The following CNTNAP2 variants were observed in gnomAD, a reference collection of about 807,000 sequenced individuals.
CNTNAP2 encodes the protein contactin-associated protein-like 2.
Under a neutral mutation model 155.2 loss-of-function variants are expected in CNTNAP2, and 98 were observed. The ratio of observed to expected loss-of-function variants is 0.63; its 90% confidence interval spans 0.54 to 0.75. The LOEUF is 0.75. CNTNAP2 is among the 30% of genes least tolerant of loss of function. CNTNAP2 has a pLI of 0.00. For synonymous variants in CNTNAP2, 651 were observed against 631.2 expected (o/e 1.03, Z -0.47); for missense variants, 1,727 against 1,688.1 (o/e 1.02, Z -0.40).
intron 1 of CNTNAP2, among the ~76,000 whole-genome samples, chr7:146,228,199 C>T (rs1799326968): frequency 6.6e-6 from 1 of 152,152 alleles, no homozygotes; most frequent in Non-Finnish European, 1.5e-5. Context: ...GTGTGTGACA[C>T]TGAGGAGAAA....
At chr7:146,507,352 C>G (rs1430124863) in intron 1 of CNTNAP2, among the ~76,000 whole-genome samples, 3 of 152,228 alleles carry the variant, frequency 2.0e-5, no homozygotes, top group African/African-American at 7.2e-5. Context: ...GTCACATGCA[C>G]ATCAAGTTCA....
At chr7:147,486,543 G>T (rs1007244976) in intron 11 of CNTNAP2, among the ~76,000 whole-genome samples, 6 of 152,026 alleles carry the variant, frequency 3.9e-5, no homozygotes, top group Non-Finnish European at 8.8e-5. Flanking sequence ...ATATCTAAAA[G>T]CCAATAGATA....
chr7:146,554,391 A>G (rs1798166425), intron 1 of CNTNAP2, among the ~76,000 whole-genome samples: 1 of 152,232 alleles, frequency 6.6e-6, no homozygotes, highest in Non-Finnish European at 1.5e-5. Flanking sequence ...CATAATAATT[A>G]AAACCCATAT....
At chr7:147,225,781 AGG>A (rs1434859613) in intron 8 of CNTNAP2, among the ~76,000 whole-genome samples, 64 of 132,648 alleles carry the variant, frequency 4.8e-4, no homozygotes, top group Non-Finnish European at 7.0e-4. Context: ...GAAGGAAGGA[AGG>A]AAGGAAGGAA....
intron 3 of CNTNAP2, among the ~76,000 whole-genome samples, chr7:146,942,565 TTAAAA>T (rs1372784009): frequency 3.3e-5 from 5 of 152,034 alleles, no homozygotes; most frequent in African/African-American, 7.2e-5. Context: ...CTTGCATAAA[TTAAAA>T]TAAAAAGGCC....
chr7:148,351,847 T>G (rs1454352181), intron 21 of CNTNAP2, among the ~76,000 whole-genome samples: 2 of 151,932 alleles, frequency 1.3e-5, no homozygotes, highest in African/African-American at 4.8e-5. Context: ...TCAGGACTGA[T>G]GAGATAGCTC....
intron 1 of CNTNAP2, among the ~76,000 whole-genome samples, chr7:146,192,640 C>A (rs566178200): frequency 6.6e-6 from 1 of 152,296 alleles, no homozygotes; most frequent in African/African-American, 2.4e-5. Flanking sequence ...CTGGATCCCT[C>A]CCATGACGTG....
intron 13 of CNTNAP2, among the ~76,000 whole-genome samples, chr7:147,691,352 T>C (rs77772876): frequency 0.028 from 4,329 of 152,290 alleles, 91 homozygotes; most frequent in Middle Eastern, 0.11. Flanking sequence ...ATTTGCAGCA[T>C]TTGTCAATTT....
At chr7:147,466,080 C>G (rs1270614275) in intron 10 of CNTNAP2, among the ~76,000 whole-genome samples, 2 of 152,076 alleles carry the variant, frequency 1.3e-5, no homozygotes, top group Non-Finnish European at 2.9e-5. Flanking sequence ...TACATGGGAG[C>G]CTGTAGAATA....
chr7:148,370,024 CT>C (rs1798858083), intron 21 of CNTNAP2, among the ~76,000 whole-genome samples: 1 of 152,122 alleles, frequency 6.6e-6, no homozygotes, highest in Non-Finnish European at 1.5e-5. Flanking sequence ...GCTAGGCTGT[CT>C]TTAAATCCCA....
chr7:148,354,227 G>A (rs959289707), intron 21 of CNTNAP2, among the ~76,000 whole-genome samples: 1 of 136,288 alleles, frequency 7.3e-6, no homozygotes, highest in African/African-American at 2.8e-5. Flanking sequence ...AACAAGTCTG[G>A]TGTTAAGCCT....
At chr7:146,910,997 A>T (rs1000474879) in intron 3 of CNTNAP2, among the ~76,000 whole-genome samples, 2 of 151,748 alleles carry the variant, frequency 1.3e-5, no homozygotes, top group Non-Finnish European at 2.9e-5. Flanking sequence ...TGGGCGAAGG[A>T]CATGAACAGA....
At chr7:147,870,278 T>A (rs1799304790) in intron 13 of CNTNAP2, among the ~76,000 whole-genome samples, 1 of 151,982 alleles carries the variant, frequency 6.6e-6, no homozygotes, top group East Asian at 1.9e-4. Context: ...GAAGGAAGAT[T>A]GGGTAGGAAA....
chr7:146,606,126 C>T (rs578256071), intron 1 of CNTNAP2, among the ~76,000 whole-genome samples: 2 of 152,174 alleles, frequency 1.3e-5, no homozygotes, highest in South Asian at 4.1e-4. Context: ...TGTTGGCATC[C>T]AACCATTTAC....
chr7:148,334,397 AGACTTTG>A (rs1325256052), intron 21 of CNTNAP2, among the ~76,000 whole-genome samples: 1 of 152,204 alleles, frequency 6.6e-6, no homozygotes, highest in African/African-American at 2.4e-5. Context: ...GTAGTGATTA[AGACTTTG>A]GAAAAGCAGG....
At chr7:146,967,009 C>T (rs574950852) in intron 3 of CNTNAP2, among the ~76,000 whole-genome samples, 1 of 152,204 alleles carries the variant, frequency 6.6e-6, no homozygotes, top group African/African-American at 2.4e-5. Context: ...TGAAACGGTG[C>T]ACAGTAGTTG....
chr7:146,556,430 G>A (rs553420718), intron 1 of CNTNAP2, among the ~76,000 whole-genome samples: 3 of 152,252 alleles, frequency 2.0e-5, no homozygotes, highest in South Asian at 2.1e-4. Context: ...TCTGATAGGA[G>A]GGGTAATAAC....
chr7:147,275,202 A>T (rs980752138), intron 8 of CNTNAP2, among the ~76,000 whole-genome samples: 3 of 152,080 alleles, frequency 2.0e-5, no homozygotes. Context: ...GAAAAATGAC[A>T]TTAGCAATTT....
intron 8 of CNTNAP2, among the ~76,000 whole-genome samples, chr7:147,194,759 G>C (rs748984580): frequency 6.6e-6 from 1 of 152,070 alleles, no homozygotes; most frequent in Non-Finnish European, 1.5e-5. Context: ...CCCACTTTTT[G>C]ATGGGGTTGT....
Sources: allele counts gnomAD v4.1 joint callset (sites outside exome capture counted in the v4.1 genomes callset), GRCh38; gene constraint gnomAD v4.1.1; transcripts MANE v1.5; gene names NCBI Gene and HGNC (gene_info 2026-07-23, HGNC 2026-07-21).